SPOCK1: variants seen among roughly 807,000 people sequenced by gnomAD.
SPOCK1 encodes the protein SPARC (osteonectin), cwcv and kazal like domains proteoglycan 1.
A neutral mutation model predicts 55.3 loss-of-function variants in SPOCK1; 23 were observed. That is an observed-to-expected ratio of 0.42 (90% CI 0.30 to 0.59). The LOEUF (loss-of-function observed/expected upper bound fraction) is 0.59. Among genes scored for constraint, SPOCK1 ranks in the 20% least tolerant of loss-of-function variants. The pLI, the probability that SPOCK1 is intolerant of heterozygous loss-of-function variation, is 0.22. For synonymous variants in SPOCK1, 226 were observed against 221.0 expected (o/e 1.02, Z -0.20); for missense variants, 499 against 552.5 (o/e 0.90, Z 0.97).
intron 2 of SPOCK1, among the ~76,000 whole-genome samples, chr5:137,376,296 C>T (rs1253905921): frequency 6.6e-6 from 1 of 152,226 alleles, no homozygotes; most frequent in Non-Finnish European, 1.5e-5. Flanking sequence ...CTACCACCCT[C>T]CTCCTGCAGA....
chr5:137,377,515 T>A (rs1234847931), intron 2 of SPOCK1, among the ~76,000 whole-genome samples: 1 of 152,222 alleles, frequency 6.6e-6, no homozygotes, highest in East Asian at 1.9e-4. Flanking sequence ...TGATTTAACT[T>A]TAGAAAAATA....
intron 2 of SPOCK1, among the ~76,000 whole-genome samples, chr5:137,275,286 C>T (rs1396587518): frequency 1.3e-5 from 2 of 152,220 alleles, no homozygotes; most frequent in African/African-American, 4.8e-5. Context: ...AATGCCTGCT[C>T]CCTTCCCCCA....
rs374327372 is a variant in SPOCK1 at position 137,191,963 on chromosome 5, A to T, written c.233-51269T>A. Among the ~76,000 whole-genome samples, 6 of 152,256 alleles carry T rather than the reference A, an allele frequency of 3.9e-5. No individual in the cohort carries two copies. The East Asian group carries it at 1.2e-3, about 29-fold the overall frequency. Reference sequence around the variant, plus strand: ...GCGGCCAGGCGCAGTGGCCGGGTGCAGTGGCTCACACCTGTAATCCTAACA... The same window carrying T: ...GCGGCCAGGCGCAGTGGCCGGGTGCTGTGGCTCACACCTGTAATCCTAACA... On this transcript the variant is annotated intron_variant, in intron 3 of 10. Coordinates refer to ENST00000394945, the MANE Select transcript of SPOCK1 (RefSeq NM_004598.4).
intron 9 of SPOCK1, among the ~76,000 whole-genome samples, chr5:136,984,277 A>G (rs756092866): frequency 6.6e-6 from 1 of 152,234 alleles, no homozygotes; most frequent in Non-Finnish European, 1.5e-5. Context: ...ACAATCTGCA[A>G]GAAAACTTGC....
chr5:136,989,258 T>C (rs917828458), intron 7 of SPOCK1, among the ~76,000 whole-genome samples: 3 of 152,236 alleles, frequency 2.0e-5, no homozygotes. Flanking sequence ...ATTTCTTTCT[T>C]ATTTCCCTGG....
At chr5:137,321,515 A>G (rs1382816382) in intron 2 of SPOCK1, among the ~76,000 whole-genome samples, 1 of 152,108 alleles carries the variant, frequency 6.6e-6, no homozygotes, top group East Asian at 1.9e-4. Context: ...TGAGACTATC[A>G]GTGTATATAT....
At chr5:137,095,588 G>A (rs1753132544) in intron 5 of SPOCK1, among the ~76,000 whole-genome samples, 1 of 152,160 alleles carries the variant, frequency 6.6e-6, no homozygotes, top group Non-Finnish European at 1.5e-5. Flanking sequence ...AGATATAATG[G>A]TGAGCAGCAA....
chr5:137,111,073 C>T (rs1013822774), intron 5 of SPOCK1, among the ~76,000 whole-genome samples: 2 of 152,012 alleles, frequency 1.3e-5, no homozygotes, highest in Admixed American at 6.5e-5. Context: ...ATCACAAAAT[C>T]GATAGGGAAA....
chr5:137,130,672 T>C, intron 4 of SPOCK1, among the ~76,000 whole-genome samples: 1 of 152,296 alleles, frequency 6.6e-6, no homozygotes, highest in East Asian at 1.9e-4. Flanking sequence ...TTGAGCTGGG[T>C]CTCCTCCTTT....
rs191155751 is a variant in SPOCK1 at position 137,066,417 on chromosome 5, G to A, written c.589+1298C>T. ...GTCTCCCAAAGTGCTGGGATTACAG[G>A]TGTGAGCCACCACACCCGGCTGGCA... On this transcript the variant is annotated intron_variant, in intron 6 of 10. Coordinates refer to ENST00000394945, the MANE Select transcript of SPOCK1 (RefSeq NM_004598.4). Among the ~76,000 whole-genome samples the A allele has an allele frequency of 1.6e-3, 245 of 152,256 alleles. 2 individuals are homozygous for A. The highest frequency in any genetic ancestry group is 5.5e-3 in the African/African-American group (228 of 41,542).
chr5:137,066,987 C>CACACAGAGAGAGAGAGAG (rs1343691789), intron 6 of SPOCK1, among the ~76,000 whole-genome samples: 39 of 139,654 alleles, frequency 2.8e-4, no homozygotes, highest in Admixed American at 1.1e-3. Flanking sequence ...CACACACACA[C>CACACAGAGAGAGAGAGAG]AGAGAGAGAG....
At chr5:137,110,073 C>T (rs1016166711) in intron 5 of SPOCK1, among the ~76,000 whole-genome samples, 1 of 152,140 alleles carries the variant, frequency 6.6e-6, no homozygotes, top group Non-Finnish European at 1.5e-5. Flanking sequence ...ATGAAAGATT[C>T]TTTCTACGGT....
At chr5:137,285,443 C>T (rs1206529737) in intron 2 of SPOCK1, among the ~76,000 whole-genome samples, 3 of 152,174 alleles carry the variant, frequency 2.0e-5, no homozygotes, top group Admixed American at 6.5e-5. Flanking sequence ...GAACAAGTCC[C>T]TTAACAACAG....
intron 2 of SPOCK1, among the ~76,000 whole-genome samples, chr5:137,404,040 G>A (rs960821656): frequency 1.1e-4 from 16 of 152,294 alleles, no homozygotes; most frequent in South Asian, 4.1e-4. Flanking sequence ...TGTCAATCCC[G>A]ACCAGAGATG....
rs6871549 is a variant in SPOCK1 at position 137,189,462 on chromosome 5, C to A, written c.233-48768G>T. Among the ~76,000 whole-genome samples, 1,144 of 152,248 alleles carry A rather than the reference C, an allele frequency of 7.5e-3. 17 individuals carry two copies. The highest frequency in any genetic ancestry group is 0.026 in the African/African-American group (1,088 of 41,534). On this transcript the variant is annotated intron_variant, in intron 3 of 10. Transcript: ENST00000394945. The stretch of plus-strand genomic sequence containing the variant: ...CTCTGCCTGTACTCTAAAAATGGAA[C>A]AACGAAGCTCAGATGACAGCACATC...
intron 6 of SPOCK1, among the ~76,000 whole-genome samples, chr5:137,056,153 T>C (rs537297718): frequency 4.3e-4 from 66 of 152,116 alleles, no homozygotes; most frequent in African/African-American, 1.3e-3. Context: ...CAACAGGCTG[T>C]AGGAAAAGCT....
At chr5:137,410,224 G>A (rs913196555) in intron 2 of SPOCK1, among the ~76,000 whole-genome samples, 1 of 152,184 alleles carries the variant, frequency 6.6e-6, no homozygotes, top group African/African-American at 2.4e-5. Context: ...TGCTCTGCTG[G>A]TTTATTACAA....
chr5:137,394,252 C>T (rs1459648360), intron 2 of SPOCK1, among the ~76,000 whole-genome samples: 1 of 152,130 alleles, frequency 6.6e-6, no homozygotes, highest in Non-Finnish European at 1.5e-5. Context: ...TTATCTCCAC[C>T]GGTAGACTGT....
chr5:137,420,070 T>C (rs1384727838), intron 2 of SPOCK1, among the ~76,000 whole-genome samples: 1 of 152,246 alleles, frequency 6.6e-6, no homozygotes, highest in Non-Finnish European at 1.5e-5. Context: ...GTTTTTGTTG[T>C]TGGTTCTGTT....
Sources: allele counts gnomAD v4.1 joint callset (sites outside exome capture counted in the v4.1 genomes callset), GRCh38; gene constraint gnomAD v4.1.1; transcripts MANE v1.5; gene names NCBI Gene and HGNC (gene_info 2026-07-23, HGNC 2026-07-21).